POGLUT3: variants seen among roughly 807,000 people sequenced by gnomAD.
POGLUT3 encodes the protein protein O-glucosyltransferase 3.
Under a neutral mutation model 54.3 loss-of-function variants are expected in POGLUT3, and 48 were observed. That is an observed-to-expected ratio of 0.88 (90% confidence interval 0.70 to 1.12). The LOEUF is 1.12. POGLUT3 is among the 50% of genes most tolerant of loss of function. The probability of loss-of-function intolerance (pLI) is 0.00; values close to 1 mark genes in which losing one functional copy is unlikely to be tolerated. For missense variants in POGLUT3, 629 were observed against 618.7 expected, an observed-to-expected ratio of 1.02 and a Z score of -0.18; for synonymous variants, 218 against 237.4, an observed-to-expected ratio of 0.92 and a Z score of 0.75.
intron 7 of POGLUT3, among the ~76,000 whole-genome samples, chr11:108,476,991 T>C (rs1174624579): frequency 1.3e-5 from 2 of 152,166 alleles, no homozygotes; most frequent in Non-Finnish European, 2.9e-5. Context: ...ACACCTACAC[T>C]AGGAATTCAA....
At chr11:108,494,492 C>A (rs758109209) in intron 1 of POGLUT3, among the ~76,000 whole-genome samples, 1 of 152,230 alleles carries the variant, frequency 6.6e-6, no homozygotes, top group Non-Finnish European at 1.5e-5. Context: ...ACAGAAAGAG[C>A]AATGAAGTAG....
At position 108,478,873 on chromosome 11, in the gene POGLUT3, C is replaced by T. The variant is rs1430432023; in HGVS notation, c.1293+428G>A. On this transcript the variant is annotated intron_variant, in intron 6 of 7. Coordinates refer to ENST00000323468, the MANE Select transcript of POGLUT3 (RefSeq NM_153705.5). ...AAAGGAATTCCTATTTTATAGGAAA[C>T]GTGATGCTTGCGTTGTATAACACGC... Among the ~76,000 whole-genome samples the T allele has an allele frequency of 7.2e-5, 11 of 152,146 alleles. 1 individual carries two copies. The highest frequency in any genetic ancestry group is 2.6e-4 in the Admixed American group (4 of 15,274).
At chr11:108,479,149 T>G in intron 6 of POGLUT3, 152 bp downstream of exon 6, 1 of 577,174 alleles carries the variant, frequency 1.7e-6, no homozygotes, top group South Asian at 2.7e-5. Context: ...ATTCTGATGC[T>G]GATTCTTTAG....
rs1218835691 is a variant in POGLUT3, at chr11:108,474,093, C to T, written c.*734G>A. 1 of 152,088 alleles carries T rather than the reference C, an allele frequency of 6.6e-6. No homozygotes were observed. Among genetic ancestry groups the T allele is most frequent in the Non-Finnish European group, 1.5e-5 (1 of 68,026 alleles). 9.4% of individuals were successfully genotyped at this position (152,088 alleles called of 1,614,324 possible). A position where few individuals can be genotyped will look rare whatever the true frequency, so the allele number is the denominator to read the frequency against. On this transcript the variant is annotated 3_prime_UTR_variant, in exon 8 of 8. Transcript: ENST00000323468. ...GGGGACAACCCTGAACAAATATTTT[C>T]TCTTCATAATTGGAAGTGGAAGAGA...
intron 5 of POGLUT3, among the ~76,000 whole-genome samples, chr11:108,480,507 C>G (rs563884149): frequency 2.6e-5 from 4 of 152,310 alleles, no homozygotes; most frequent in Non-Finnish European, 4.4e-5. Flanking sequence ...ACCTCATTCT[C>G]TGAGTCCAAA....
In POGLUT3 at chr11:108,481,639, C is replaced by G. The variant is rs530310768; in HGVS notation, c.902-263G>C. On this transcript the variant is annotated intron_variant, in intron 4 of 7. Coordinates refer to ENST00000323468, the MANE Select transcript of POGLUT3 (RefSeq NM_153705.5). ...GAATGCTCTAATTTCATCCATTTGT[C>G]TGCTAGTGAAAGCTCACGCAAGTAT... is the stretch of plus-strand genomic sequence containing the variant. Among the ~76,000 whole-genome samples, 4 of 152,300 alleles carry G rather than the reference C, an allele frequency of 2.6e-5. No homozygotes were observed. The South Asian group carries it at 8.3e-4, about 32-fold the overall frequency.
chr11:108,477,993 A>G, intron 6 of POGLUT3: 1 of 338,520 alleles, frequency 3.0e-6, no homozygotes. Flanking sequence ...TACTAAAAAT[A>G]CAAAAATTAG....
chr11:108,488,619 C>CAT (rs2093607948), intron 2 of POGLUT3, among the ~76,000 whole-genome samples: 1 of 152,214 alleles, frequency 6.6e-6, no homozygotes, highest in Admixed American at 6.5e-5. Flanking sequence ...GTCCTCTTCA[C>CAT]ATATTGAGCA....
chr11:108,486,725 T>C (rs11212672), intron 2 of POGLUT3: 110,188 of 343,508 alleles, frequency 0.32, 19,667 homozygotes, highest in South Asian at 0.5. Flanking sequence ...CTGGCAAACA[T>C]GAAACAACTT....
intron 3 of POGLUT3, 108 bp from the exon 4 acceptor site, chr11:108,482,330 C>T: frequency 1.4e-6 from 1 of 706,674 alleles, no homozygotes; most frequent in Non-Finnish European, 2.3e-6. Flanking sequence ...GCTAACCATT[C>T]AAAAACAGAG....
At position 108,474,773 on chromosome 11, in the gene POGLUT3, C is replaced by T; in HGVS notation, c.*54G>A. 6.3e-7 allele frequency: 1 copy of T among 1,581,622 alleles called. No individual in the cohort carries two copies. Among genetic ancestry groups the T allele is most frequent in the East Asian group, 2.3e-5 (1 of 43,854 alleles). On this transcript the variant is annotated 3_prime_UTR_variant, in exon 8 of 8. Coordinates refer to ENST00000323468, the MANE Select transcript of POGLUT3 (RefSeq NM_153705.5). ...TATACTGTCCTTCACAGCTTAGATT[C>T]AATCTTTCCTTAAAGTGTAGCCGGG...
chr11:108,491,274 A>G, intron 1 of POGLUT3, 107 bp from the exon 2 acceptor site: 1 of 845,290 alleles, frequency 1.2e-6, no homozygotes, highest in Non-Finnish European at 1.9e-6. Flanking sequence ...TTCCTGCAGC[A>G]TTGGTGGTTA....
In POGLUT3 at chr11:108,481,176, A is replaced by G. The variant is rs1464879346; in HGVS notation, c.1098+4T>C. 2 of 1,597,076 alleles carry G rather than the reference A, an allele frequency of 1.3e-6. No homozygotes were observed. Among genetic ancestry groups the G allele is most frequent in the Non-Finnish European group, 1.7e-6 (2 of 1,174,638 alleles). On this transcript the variant is annotated splice_donor_region_variant and intron_variant, in intron 5 of 7. Transcript: ENST00000323468. ...TATCCATAGAAGAAGACTCAAATGC[A>G]TACCTTAAAGAAATCAAAGAAACCC...
At chr11:108,482,491 C>T in intron 3 of POGLUT3, among the ~76,000 whole-genome samples, 1 of 152,106 alleles carries the variant, frequency 6.6e-6, no homozygotes. Flanking sequence ...TGGTGGCTCA[C>T]ACCTGTAATC....
chr11:108,480,072 G>C lies in POGLUT3; in HGVS notation c.1099-577C>G, dbSNP rs187767978. Among the ~76,000 whole-genome samples, 596 of 152,298 alleles carry C rather than the reference G, an allele frequency of 3.9e-3. 1 individual carries two copies. The highest frequency in any genetic ancestry group is 0.013 in the African/African-American group (561 of 41,564). On this transcript the variant is annotated intron_variant, in intron 5 of 7. Transcript: ENST00000323468. ...GCTGGCCTCAAACTCCTGACCTCAGGTGATTCGCCCGCCTCAGCCTCCCAA... is the reference window on the plus strand; with the variant it reads ...GCTGGCCTCAAACTCCTGACCTCAGCTGATTCGCCCGCCTCAGCCTCCCAA...
chr11:108,483,057 C>G (rs1275008456), intron 3 of POGLUT3, among the ~76,000 whole-genome samples: 1 of 152,224 alleles, frequency 6.6e-6, no homozygotes, highest in Non-Finnish European at 1.5e-5. Context: ...GCTCTCCATA[C>G]TGTAATCTGC....
rs546407642 is a variant in POGLUT3, at chr11:108,490,401, A to G, written c.400+569T>C. Among the ~76,000 whole-genome samples the G allele has an allele frequency of 7.2e-5, 11 of 152,078 alleles. No homozygotes were observed. In the East Asian group the frequency reaches 1.9e-3, roughly 27 times the overall value. On this transcript the variant is annotated intron_variant, in intron 2 of 7. Transcript: ENST00000323468. Reference sequence around the variant, plus strand: ...TTTTTAGTAGAGACGGGGTTTCACCATGTTGCCCAGGCTGGTCTTGAATGC... The same window carrying G: ...TTTTTAGTAGAGACGGGGTTTCACCGTGTTGCCCAGGCTGGTCTTGAATGC...
chr11:108,481,958 G>A, intron 4 of POGLUT3, 48 bp downstream of exon 4: 3 of 1,441,608 alleles, frequency 2.1e-6, no homozygotes, highest in Non-Finnish European at 2.9e-6. Context: ...AACCCACTCT[G>A]TCTCTAAGCT....
At position 108,474,819 on chromosome 11, in the gene POGLUT3, G is replaced by A; in HGVS notation, c.*8C>T. The A allele has an allele frequency of 6.2e-7, 1 of 1,613,846 alleles. No homozygotes were observed. The highest frequency in any genetic ancestry group is 2.2e-5 in the East Asian group (1 of 44,872). ...CCGGGATACACAGGAGTGTGATTCT[G>A]GGCTGACTCAAAGTTCTTCTCTTGA... is the stretch of plus-strand genomic sequence containing the variant. On this transcript the variant is annotated 3_prime_UTR_variant, in exon 8 of 8. Coordinates refer to ENST00000323468, the MANE Select transcript of POGLUT3 (RefSeq NM_153705.5).
Sources: gnomAD v4.1 joint callset for allele counts (sites outside exome capture counted in the v4.1 genomes callset) on GRCh38, gnomAD v4.1.1 for gene constraint, MANE v1.5 for transcripts, NCBI Gene and HGNC (gene_info 2026-07-23, HGNC 2026-07-21) for gene names.